Variants in PCDH15 observed in about 807,000 individuals in gnomAD.
The protein encoded by PCDH15 is protocadherin related 15, also known as protocadherin-15.
A neutral mutation model predicts 178.5 loss-of-function variants in PCDH15; 129 were observed. The ratio of observed to expected loss-of-function variants is 0.72; its 90% confidence interval spans 0.63 to 0.84. The LOEUF (loss-of-function observed/expected upper bound fraction) is 0.84. PCDH15 is among the 40% of genes least tolerant of loss of function. The pLI is 0.00. For missense variants in PCDH15, 2,230 were observed against 2,099.9 expected (o/e 1.06, Z -1.21); for synonymous variants, 800 against 732.0 (o/e 1.09, Z -1.50).
intron 20 of PCDH15, among the ~76,000 whole-genome samples, chr10:54,003,186 T>C (rs920784315): frequency 3.3e-5 from 5 of 152,076 alleles, no homozygotes; most frequent in South Asian, 2.1e-4. Flanking sequence ...AACCTAATGA[T>C]GCATCTTTAA....
intron 1 of PCDH15, among the ~76,000 whole-genome samples, chr10:54,689,081 A>G (rs745808814): frequency 1.3e-5 from 2 of 152,008 alleles, no homozygotes; most frequent in Non-Finnish European, 2.9e-5. Context: ...TTTCCAAAAT[A>G]CCTATCTTCT....
At chr10:54,996,779 G>T (rs965369765) in intron 2 of PCDH15, among the ~76,000 whole-genome samples, 18 of 152,062 alleles carry the variant, frequency 1.2e-4, no homozygotes, top group African/African-American at 4.1e-4. Context: ...TGTTTGGCCC[G>T]AGTGTTCTTT....
chr10:54,208,119 A>G (rs1364216203), intron 10 of PCDH15, among the ~76,000 whole-genome samples: 1 of 152,044 alleles, frequency 6.6e-6, no homozygotes, highest in East Asian at 1.9e-4. Context: ...ACGAACACTT[A>G]GTGTATCAAA....
chr10:54,663,067 A>G lies in PCDH15; in HGVS notation c.91+1105T>C, dbSNP rs80262846. 6.1e-3 allele frequency among the ~76,000 whole-genome samples: 925 copies of G among 152,098 alleles called. 13 individuals carry two copies. Among genetic ancestry groups the G allele is most frequent in the African/African-American group, 0.021 (874 of 41,542 alleles). On this transcript the variant is annotated intron_variant, in intron 2 of 37. Coordinates refer to ENST00000644397, the MANE Select transcript of PCDH15 (RefSeq NM_001384140.1). ...TGCTGCCGATCTTATGAAAGGGAATATACTATTGTGAATTATTTTGCAAAT... is the reference window on the plus strand; with the variant it reads ...TGCTGCCGATCTTATGAAAGGGAATGTACTATTGTGAATTATTTTGCAAAT...
At chr10:55,373,175 A>C (rs1229371214) in intron 2 of PCDH15, among the ~76,000 whole-genome samples, 1 of 152,148 alleles carries the variant, frequency 6.6e-6, no homozygotes, top group Non-Finnish European at 1.5e-5. Context: ...AATTTATGCT[A>C]TTAAGGGGAA....
chr10:54,295,872 C>T (rs896542264), intron 8 of PCDH15, among the ~76,000 whole-genome samples: 13 of 151,206 alleles, frequency 8.6e-5, no homozygotes, highest in Admixed American at 6.6e-4. Context: ...TGGCCGGGCG[C>T]GGTGGCTCAC....
In PCDH15 at chr10:54,002,826, A is replaced by G. The variant is rs537053338; in HGVS notation, c.2752-7061T>C. On this transcript the variant is annotated intron_variant, in intron 20 of 37. Transcript: ENST00000644397. ...AGGATTGAAAAAAGAGCCACTCTCA[A>G]TGGACAAAAAGAAAGAAAGGGGAGG... 5.3e-5 allele frequency among the ~76,000 whole-genome samples: 8 copies of G among 152,188 alleles called. No homozygotes were observed. The East Asian group carries it at 1.2e-3, about 22-fold the overall frequency.
intron 3 of PCDH15, among the ~76,000 whole-genome samples, chr10:54,821,487 G>A (rs1564538492): frequency 6.6e-6 from 1 of 151,860 alleles, no homozygotes; most frequent in Non-Finnish European, 1.5e-5. Context: ...ATCATGACAA[G>A]CTACGTTTTT....
chr10:54,332,668 G>T (rs1053003066), intron 6 of PCDH15, among the ~76,000 whole-genome samples: 2 of 151,508 alleles, frequency 1.3e-5, no homozygotes, highest in African/African-American at 4.9e-5. Flanking sequence ...CTTCTGTTTT[G>T]CTTGACAGAT....
rs528729208 is a variant in PCDH15, at chr10:55,572,291, T to G, written c.-156+55334A>C. Among the ~76,000 whole-genome samples, 3 of 150,130 alleles carry G rather than the reference T, an allele frequency of 2.0e-5. No individual in the cohort carries two copies. The South Asian group carries it at 6.3e-4, about 31-fold the overall frequency. On this transcript the variant is annotated intron_variant, in intron 2 of 5. Coordinates refer to the PCDH15 transcript ENST00000613346. ...TAATATAAAATGAAAGTAATTTATA[T>G]TAGAGTATATAAAGTATAGTGAATA...
intron 16 of PCDH15, among the ~76,000 whole-genome samples, chr10:54,084,537 G>C (rs999931832): frequency 6.6e-6 from 1 of 152,076 alleles, no homozygotes; most frequent in African/African-American, 2.4e-5. Context: ...GGGAGGCTGA[G>C]GTGGGAGGAT....
rs554499052 is a variant in PCDH15, at chr10:55,277,890, A to G, written c.-156+41709T>C. Among the ~76,000 whole-genome samples, 36 of 152,230 alleles carry G rather than the reference A, an allele frequency of 2.4e-4. 1 individual carries two copies. Among genetic ancestry groups the G allele is most frequent in the African/African-American group, 8.4e-4 (35 of 41,542 alleles). On this transcript the variant is annotated intron_variant, in intron 1 of 5. Coordinates refer to the PCDH15 transcript ENST00000458638. ...TAAATAGAGAAAACAATATCTTGAA[A>G]TATGTCTTTTCTGATCCCCACTGCC... is the stretch of plus-strand genomic sequence containing the variant.
At chr10:55,388,676 T>C (rs1392917268) in intron 2 of PCDH15, among the ~76,000 whole-genome samples, 1 of 152,042 alleles carries the variant, frequency 6.6e-6, no homozygotes, top group Non-Finnish European at 1.5e-5. Context: ...TAATCAAAAA[T>C]CCATACCTCC....
At chr10:53,960,149 T>C (rs1424302513) in intron 22 of PCDH15, among the ~76,000 whole-genome samples, 1 of 152,168 alleles carries the variant, frequency 6.6e-6, no homozygotes, top group African/African-American at 2.4e-5. Context: ...TTATACTATA[T>C]CTCTCCAATT....
At chr10:54,537,961 T>C (rs1234324842) in intron 2 of PCDH15, among the ~76,000 whole-genome samples, 1 of 152,172 alleles carries the variant, frequency 6.6e-6, no homozygotes, top group Non-Finnish European at 1.5e-5. Context: ...TCAATGTGGT[T>C]ATTTGGTTTA....
At chr10:54,150,599 C>T (rs1297483982) in intron 14 of PCDH15, among the ~76,000 whole-genome samples, 4 of 151,566 alleles carry the variant, frequency 2.6e-5, no homozygotes, top group Non-Finnish European at 5.9e-5. Flanking sequence ...TTTACTTGTT[C>T]TTTTTTTCTT....
chr10:54,863,910 G>A (rs995181281), intron 3 of PCDH15, among the ~76,000 whole-genome samples: 2 of 152,098 alleles, frequency 1.3e-5, no homozygotes, highest in African/African-American at 4.8e-5. Context: ...CAAAAATGTA[G>A]CAGTAATGTT....
chr10:54,998,275 T>G (rs1312454180), intron 2 of PCDH15, among the ~76,000 whole-genome samples: 1 of 152,126 alleles, frequency 6.6e-6, no homozygotes, highest in Non-Finnish European at 1.5e-5. Flanking sequence ...GTCATAAATT[T>G]TTTTTCCTGT....
intron 2 of PCDH15, among the ~76,000 whole-genome samples, chr10:54,570,868 C>T (rs1590183422): frequency 6.7e-6 from 1 of 150,242 alleles, no homozygotes; most frequent in South Asian, 2.1e-4. Flanking sequence ...GAGTTTCACC[C>T]TGTTGCTCAG....
Sources: allele counts gnomAD v4.1 joint callset (sites outside exome capture counted in the v4.1 genomes callset), GRCh38; gene constraint gnomAD v4.1.1; transcripts MANE v1.5; gene names NCBI Gene and HGNC (gene_info 2026-07-23, HGNC 2026-07-21).